RASGEF1C: variants seen among roughly 807,000 people sequenced by gnomAD.
RASGEF1C encodes ras-GEF domain-containing family member 1C.
Under a neutral mutation model 58.1 loss-of-function variants are expected in RASGEF1C, and 27 were observed. The ratio of observed to expected loss-of-function variants is 0.46; its 90% CI spans 0.34 to 0.64. The LOEUF (loss-of-function observed/expected upper bound fraction) is 0.64. RASGEF1C is among the 30% of genes least tolerant of loss of function. The pLI is 0.01. For synonymous variants in RASGEF1C, 243 were observed against 246.3 expected (o/e 0.99, Z 0.13); for missense variants, 502 against 605.1 (o/e 0.83, Z 1.79).
At chr5:180,207,839 A>C (rs1410499696) in intron 1 of RASGEF1C, among the ~76,000 whole-genome samples, 3 of 151,966 alleles carry the variant, frequency 2.0e-5, no homozygotes, top group African/African-American at 7.3e-5. Context: ...CTCCCCGCTC[A>C]GGACAGCCTC....
At chr5:180,162,998 G>T (rs973571031) in intron 1 of RASGEF1C, among the ~76,000 whole-genome samples, 20 of 152,120 alleles carry the variant, frequency 1.3e-4, no homozygotes, top group African/African-American at 4.8e-4. Flanking sequence ...AGTAGCTATA[G>T]CAAACAGCAT....
chr5:180,127,239 C>T (rs1407253627), intron 6 of RASGEF1C, among the ~76,000 whole-genome samples: 1 of 152,174 alleles, frequency 6.6e-6, no homozygotes, highest in Non-Finnish European at 1.5e-5. Flanking sequence ...CGGCGCCCAC[C>T]GAAACGCACC....
At position 180,111,466 on chromosome 5, in the gene RASGEF1C, T is replaced by A. The variant is rs763832326; in HGVS notation, c.1294A>T (p.Ser432Cys). Residue 432 changes from serine (S) to cysteine (C), a missense_variant, in exon 12 of 14, where the codon AGT (serine) becomes TGT (cysteine). Coordinates refer to ENST00000361132, the MANE Select transcript of RASGEF1C (RefSeq NM_175062.4). ...TGCAGGGCTACCTTACCATCCTCAC[T>A]GAAGATGGGGGCGGTGTACAGGTAG... ...THYLYTAPIF[S>C]EDGLYLASYE... 1.3e-5 allele frequency: 21 copies of A among 1,614,084 alleles called. No individual in the cohort carries two copies. The highest frequency in any genetic ancestry group is 1.6e-4 in the Middle Eastern group (1 of 6,084).
intron 1 of RASGEF1C, among the ~76,000 whole-genome samples, chr5:180,181,974 C>G (rs560047899): frequency 4.0e-5 from 6 of 151,510 alleles, no homozygotes; most frequent in African/African-American, 1.5e-4. Flanking sequence ...GAGGCCGAGA[C>G]GGGCGGATCA....
intron 6 of RASGEF1C, among the ~76,000 whole-genome samples, chr5:180,121,462 C>T (rs576152900): frequency 7.5e-4 from 114 of 152,114 alleles, no homozygotes; most frequent in Non-Finnish European, 1.1e-3. Flanking sequence ...TACAGGCGCC[C>T]GCCACCACGC....
intron 1 of RASGEF1C, among the ~76,000 whole-genome samples, chr5:180,169,477 G>T (rs1422270584): frequency 6.6e-6 from 1 of 152,006 alleles, no homozygotes; most frequent in East Asian, 1.9e-4. Context: ...GGGTTTTGGA[G>T]GCAGCCACTA....
At position 180,155,538 on chromosome 5, in the gene RASGEF1C, C is replaced by T. The variant is rs1366326525; in HGVS notation, c.-6-17480G>A. 9.2e-5 allele frequency among the ~76,000 whole-genome samples: 14 copies of T among 152,130 alleles called. No individual in the cohort carries two copies. The highest frequency in any genetic ancestry group is 1.8e-4 in the Non-Finnish European group (12 of 68,022). ...GCCTTCAACTCCTGCTGACAGATCCCGCTGTCTCCCTCAGGAAGCTCTTGT... is the reference window on the plus strand; with the variant it reads ...GCCTTCAACTCCTGCTGACAGATCCTGCTGTCTCCCTCAGGAAGCTCTTGT... On this transcript the variant is annotated intron_variant, in intron 1 of 13. Transcript: ENST00000361132. This position sits in a 1 kb window ranked among gnomAD's most constrained non-coding sequence, Gnocchi z 5.2.
intron 1 of RASGEF1C, among the ~76,000 whole-genome samples, chr5:180,153,995 GC>G (rs1766809881): frequency 6.6e-6 from 1 of 152,202 alleles, no homozygotes; most frequent in South Asian, 2.1e-4. Context: ...TGTCCCAGAA[GC>G]CCCAGGATGT....
At chr5:180,126,550 CA>C (rs1246937967) in intron 6 of RASGEF1C, among the ~76,000 whole-genome samples, 4 of 152,070 alleles carry the variant, frequency 2.6e-5, no homozygotes, top group African/African-American at 9.7e-5. Flanking sequence ...TTTTGTTACC[CA>C]AATGGTCACA....
chr5:180,174,543 TG>T (rs1767184106), intron 1 of RASGEF1C, among the ~76,000 whole-genome samples: 1 of 126,036 alleles, frequency 7.9e-6, no homozygotes, highest in Non-Finnish European at 1.7e-5. Context: ...TGTGTGTGCG[TG>T]TGTGCGTGTG....
chr5:180,122,426 A>T (rs779463808), intron 6 of RASGEF1C, among the ~76,000 whole-genome samples: 3 of 152,212 alleles, frequency 2.0e-5, no homozygotes, highest in Admixed American at 6.5e-5. Flanking sequence ...GATGAAACTT[A>T]ACCTAAATGT....
At position 180,137,805 on chromosome 5, in the gene RASGEF1C, G is replaced by T. The variant is rs965428050; in HGVS notation, c.177+71C>A. The T allele has an allele frequency of 6.2e-7, 1 of 1,602,162 alleles. No individual in the cohort carries two copies. Among genetic ancestry groups the T allele is most frequent in the Non-Finnish European group, 8.5e-7 (1 of 1,174,808 alleles). ...GCCCTGTACCCTGGCCCAAGGTCAC[G>T]CCCAACCCTGATGCCCCCCGTGCGT... On this transcript the variant is annotated intron_variant, in intron 2 of 13. Transcript: ENST00000361132. This position sits in a 1 kb window ranked among gnomAD's most constrained non-coding sequence, Gnocchi z 4.1.
chr5:180,188,960 A>G (rs548613715), intron 1 of RASGEF1C, among the ~76,000 whole-genome samples: 1 of 152,354 alleles, frequency 6.6e-6, no homozygotes, highest in South Asian at 2.1e-4. Flanking sequence ...GACAAAAGAA[A>G]GAAAGAAACA....
chr5:180,179,331 G>A (rs1767282755), intron 1 of RASGEF1C, among the ~76,000 whole-genome samples: 1 of 152,150 alleles, frequency 6.6e-6, no homozygotes, highest in Non-Finnish European at 1.5e-5. Flanking sequence ...TGGGAGGTAA[G>A]AGCAGCAGGA....
At chr5:180,191,761 C>T (rs1264833273) in intron 1 of RASGEF1C, among the ~76,000 whole-genome samples, 1 of 152,204 alleles carries the variant, frequency 6.6e-6, no homozygotes, top group African/African-American at 2.4e-5. Flanking sequence ...AACAAGTTAG[C>T]ACAATGTAAT....
intron 1 of RASGEF1C, among the ~76,000 whole-genome samples, chr5:180,195,749 A>C (rs1163698822): frequency 1.3e-5 from 2 of 151,692 alleles, no homozygotes; most frequent in South Asian, 2.1e-4. Context: ...TGGGCGACAG[A>C]GCGAGACTCC....
chr5:180,122,825 G>A (rs143011679), intron 6 of RASGEF1C, among the ~76,000 whole-genome samples: 1,716 of 151,030 alleles, frequency 0.011, 21 homozygotes, highest in Non-Finnish European at 0.019. Context: ...AATAAATAGA[G>A]GGGAAGATGG....
chr5:180,105,729 G>A (rs764399195), intron 12 of RASGEF1C, among the ~76,000 whole-genome samples: 18 of 152,106 alleles, frequency 1.2e-4, no homozygotes, highest in African/African-American at 3.9e-4. Context: ...TTAGCTGGGC[G>A]TGGTGGCTCA....
Position 180,209,031 on chromosome 5 carries a change from C to G in RASGEF1C, c.-10G>C, listed in dbSNP as rs1252516151. ...CCCTCGGCCGCGCACCACTCACCGG[C>G]TCCCGGCGCGCCGGAACTCCGGGCC... On this transcript the variant is annotated 5_prime_UTR_variant, in exon 1 of 14. Coordinates refer to ENST00000361132, the MANE Select transcript of RASGEF1C (RefSeq NM_175062.4). 6.8e-6 allele frequency: 1 copy of G among 147,090 alleles called. No individual in the cohort carries two copies. The highest frequency in any genetic ancestry group is 1.5e-5 in the Non-Finnish European group (1 of 65,830). 9.1% of individuals were successfully genotyped at this position (147,090 alleles called of 1,614,324 possible).
Sources: allele counts gnomAD v4.1 joint callset (sites outside exome capture counted in the v4.1 genomes callset), GRCh38; gene constraint gnomAD v4.1.1; non-coding constraint Gnocchi (gnomAD v3.1); transcripts MANE v1.5; gene names NCBI Gene and HGNC (gene_info 2026-07-23, HGNC 2026-07-21).